MTUS1: variants seen among roughly 807,000 people sequenced by gnomAD.
The protein encoded by MTUS1 is microtubule-associated tumor suppressor 1.
A neutral mutation model predicts 120.8 loss-of-function variants in MTUS1; 109 were observed. That is an observed-to-expected ratio of 0.90 (90% CI 0.77 to 1.06). The LOEUF is 1.06. Ranked by LOEUF, MTUS1 falls within the 50% of genes least tolerant of loss-of-function variation. MTUS1 has a pLI of 0.00. For synonymous variants in MTUS1, 737 were observed against 550.5 expected (o/e 1.34, Z -4.74); for missense variants, 2,210 against 1,486.3 (o/e 1.49, Z -8.01).
At chr8:17,697,483 G>C in intron 6 of MTUS1, 1 of 1,472,058 alleles carries the variant, frequency 6.8e-7, no homozygotes, top group Non-Finnish European at 9.1e-7. Flanking sequence ...AATACAGTCA[G>C]AGGAAAGATG....
At chr8:17,712,412 A>C (rs1046152357) in intron 6 of MTUS1, among the ~76,000 whole-genome samples, 6 of 151,928 alleles carry the variant, frequency 3.9e-5, no homozygotes, top group African/African-American at 1.5e-4. Flanking sequence ...TCTACGCTCA[A>C]TGCCACCTCT....
chr8:17,738,854 G>A (rs1489459280), intron 3 of MTUS1, among the ~76,000 whole-genome samples: 3 of 151,942 alleles, frequency 2.0e-5, no homozygotes, highest in South Asian at 2.1e-4. Flanking sequence ...AAAATTAAAC[G>A]TTAGCCTGGT....
chr8:17,674,200 G>A lies in MTUS1; in HGVS notation c.2905+986C>T, dbSNP rs567079674. On this transcript the variant is annotated intron_variant, in intron 8 of 14. Coordinates refer to ENST00000693296, the MANE Select transcript of MTUS1 (RefSeq NM_001363059.2). ...CACCTATAATCCCAGTACTTTGGGA[G>A]GCCAAGGTCAAGAGATGGAGACCCT... 5.9e-5 allele frequency among the ~76,000 whole-genome samples: 9 copies of A among 152,106 alleles called. No individual in the cohort carries two copies. The East Asian group carries it at 1.6e-3, about 26-fold the overall frequency.
chr8:17,725,307 A>G (rs749517242), intron 3 of MTUS1, among the ~76,000 whole-genome samples: 6 of 152,084 alleles, frequency 3.9e-5, no homozygotes, highest in Non-Finnish European at 7.4e-5. Flanking sequence ...GCTCATAAAA[A>G]CCTCATCCTA....
At chr8:17,776,132 CAT>C (rs1417020118) in intron 1 of MTUS1, among the ~76,000 whole-genome samples, 1 of 151,690 alleles carries the variant, frequency 6.6e-6, no homozygotes, top group Non-Finnish European at 1.5e-5. Context: ...GCAGATTGAA[CAT>C]AGTCGGGAGA....
chr8:17,669,621 G>A (rs1412429990), intron 8 of MTUS1, among the ~76,000 whole-genome samples: 4 of 152,112 alleles, frequency 2.6e-5, no homozygotes, highest in Non-Finnish European at 5.9e-5. Context: ...CGCAGCAGGT[G>A]GATCACCTGA....
At chr8:17,730,774 T>C (rs75747875) in intron 3 of MTUS1, among the ~76,000 whole-genome samples, 1,911 of 152,240 alleles carry the variant, frequency 0.013, 37 homozygotes, top group African/African-American at 0.043. Flanking sequence ...AATAGTCAAA[T>C]GCATATAGAC....
intron 3 of MTUS1, among the ~76,000 whole-genome samples, chr8:17,740,156 C>T (rs778853008): frequency 2.6e-5 from 4 of 151,488 alleles, no homozygotes; most frequent in Non-Finnish European, 4.4e-5. Flanking sequence ...TGCAGTGATC[C>T]GAGATTGCAC....
chr8:17,778,295 C>A (rs1044623614), intron 1 of MTUS1, among the ~76,000 whole-genome samples: 6 of 152,076 alleles, frequency 3.9e-5, no homozygotes, highest in African/African-American at 1.4e-4. Flanking sequence ...CTCTATAACT[C>A]CATTTATATA....
At chr8:17,758,948 C>CT (rs2048830583) in intron 1 of MTUS1, among the ~76,000 whole-genome samples, 1 of 152,200 alleles carries the variant, frequency 6.6e-6, no homozygotes, top group African/African-American at 2.4e-5. Context: ...GTGGCGCGAT[C>CT]TCGGCTCACT....
chr8:17,692,406 G>C (rs541238154), intron 6 of MTUS1, among the ~76,000 whole-genome samples: 1 of 152,252 alleles, frequency 6.6e-6, no homozygotes, highest in East Asian at 1.9e-4. Flanking sequence ...GAAGACAGCA[G>C]AGATGAGGAT....
intron 10 of MTUS1, chr8:17,653,934 G>C (rs1172418416): frequency 1.3e-5 from 2 of 158,972 alleles, no homozygotes; most frequent in Admixed American, 6.3e-5. Flanking sequence ...AGTCTGCCTG[G>C]AGCCAGTCAC....
intron 6 of MTUS1, among the ~76,000 whole-genome samples, chr8:17,707,619 C>G (rs999224599): frequency 1.3e-5 from 2 of 152,154 alleles, no homozygotes; most frequent in African/African-American, 4.8e-5. Flanking sequence ...CCTCACCTGA[C>G]TTCATTACAG....
chr8:17,722,793 A>C (rs917947648), intron 4 of MTUS1, among the ~76,000 whole-genome samples: 2 of 152,136 alleles, frequency 1.3e-5, no homozygotes, highest in Non-Finnish European at 2.9e-5. Flanking sequence ...AAAAGCAAAT[A>C]TGGACATCCT....
chr8:17,766,545 G>C (rs1022240442), intron 1 of MTUS1, among the ~76,000 whole-genome samples: 3 of 152,192 alleles, frequency 2.0e-5, no homozygotes, highest in Non-Finnish European at 4.4e-5. Context: ...TAAGAGCCCA[G>C]AGTTAAGTAT....
At chr8:17,773,898 G>A (rs1287155175) in intron 1 of MTUS1, among the ~76,000 whole-genome samples, 2 of 152,054 alleles carry the variant, frequency 1.3e-5, no homozygotes, top group Non-Finnish European at 2.9e-5. Flanking sequence ...TAGCATTTCT[G>A]AGGTGGAAGC....
chr8:17,797,098 A>G (rs901467687), intron 1 of MTUS1, among the ~76,000 whole-genome samples: 1 of 152,170 alleles, frequency 6.6e-6, no homozygotes, highest in African/African-American at 2.4e-5. Flanking sequence ...CCTGGGCCAC[A>G]GAGTGAGACT....
chr8:17,654,312 A>T (rs999956758), intron 10 of MTUS1: 43 of 500,710 alleles, frequency 8.6e-5, no homozygotes, highest in Non-Finnish European at 1.4e-4. Context: ...CACCGCCAAA[A>T]TGGCCTTTAC....
At chr8:17,656,429 G>A (rs2130275997) in intron 8 of MTUS1, among the ~76,000 whole-genome samples, 1 of 152,066 alleles carries the variant, frequency 6.6e-6, no homozygotes, top group African/African-American at 2.4e-5. Flanking sequence ...TCGGGAGGGT[G>A]AGGCAGGAGA....
Sources: gnomAD v4.1 joint callset for allele counts (sites outside exome capture counted in the v4.1 genomes callset) on GRCh38, gnomAD v4.1.1 for gene constraint, MANE v1.5 for transcripts, NCBI Gene and HGNC (gene_info 2026-07-23, HGNC 2026-07-21) for gene names.